CNNM2: variants seen among roughly 807,000 people sequenced by gnomAD.
CNNM2 encodes metal transporter CNNM2.
Under a neutral mutation model 66.9 loss-of-function variants are expected in CNNM2, and 12 were observed. That is an observed-to-expected ratio of 0.18 (90% CI 0.11 to 0.29). The LOEUF (loss-of-function observed/expected upper bound fraction) is 0.29, where lower values mean the gene tolerates loss of function less well. Among genes scored for constraint, CNNM2 ranks in the 10% least tolerant of loss-of-function variants. The pLI, the probability that CNNM2 is intolerant of heterozygous loss-of-function variation, is 1.00. For missense variants in CNNM2, 705 were observed against 1,167.7 expected (o/e 0.60, Z 5.77); for synonymous variants, 557 against 501.8 (o/e 1.11, Z -1.47).
intron 1 of CNNM2, among the ~76,000 whole-genome samples, chr10:103,030,180 A>G (rs2064796973): frequency 6.6e-6 from 1 of 152,196 alleles, no homozygotes; most frequent in Non-Finnish European, 1.5e-5. Context: ...ATGTGGCTAG[A>G]GAAGGATCCC....
intron 1 of CNNM2, among the ~76,000 whole-genome samples, chr10:103,041,796 C>T (rs2065044831): frequency 6.6e-6 from 1 of 152,184 alleles, no homozygotes. Flanking sequence ...CCCCCCTCCC[C>T]TTCCTGCTGG....
At position 103,070,220 on chromosome 10, in the gene CNNM2, G is replaced by A. The variant is rs146036022; in HGVS notation, c.2167+1498G>A. Among the ~76,000 whole-genome samples the A allele has an allele frequency of 8.1e-4, 124 of 152,256 alleles. 1 individual carries two copies. The highest frequency in any genetic ancestry group is 2.7e-3 in the African/African-American group (113 of 41,534). On this transcript the variant is annotated intron_variant, in intron 5 of 7. Coordinates refer to ENST00000369878, the MANE Select transcript of CNNM2 (RefSeq NM_017649.5). ...TGTTGTAAACTTGAAGGTGACCTTC[G>A]TTTTCACTGCTTAGTGAGAGAGACA...
chr10:103,018,707 T>G (rs2064505407), intron 1 of CNNM2, among the ~76,000 whole-genome samples: 1 of 139,392 alleles, frequency 7.2e-6, no homozygotes, highest in African/African-American at 2.5e-5. Context: ...TTTTTTTTTT[T>G]GAGATGGAGT....
chr10:102,937,571 G>C (rs1171132588), intron 1 of CNNM2, among the ~76,000 whole-genome samples: 1 of 152,098 alleles, frequency 6.6e-6, no homozygotes, highest in Non-Finnish European at 1.5e-5. Flanking sequence ...GGAGTGTTCT[G>C]AACCACCTGT....
intron 1 of CNNM2, among the ~76,000 whole-genome samples, chr10:102,936,977 T>A (rs925160525): frequency 1.3e-5 from 2 of 152,248 alleles, no homozygotes; most frequent in African/African-American, 4.8e-5. Context: ...ATAGTGCAGC[T>A]GTGCTGTCAT....
rs561299069 is a variant in CNNM2 at position 103,051,557 on chromosome 10, A to G, written c.1765+1707A>G. Among the ~76,000 whole-genome samples the G allele has an allele frequency of 4.0e-5, 6 of 151,526 alleles. No individual in the cohort carries two copies. In the East Asian group the frequency reaches 7.9e-4, roughly 20 times the overall value. On this transcript the variant is annotated intron_variant, in intron 2 of 7. Coordinates refer to ENST00000369878, the MANE Select transcript of CNNM2 (RefSeq NM_017649.5). ...GGAGTTAGAGACCAGCCTGACCAAC[A>G]TGGCGAAACACCATCTCTACAAAAA...
intron 1 of CNNM2, among the ~76,000 whole-genome samples, chr10:103,008,995 G>A (rs1010732132): frequency 3.3e-5 from 5 of 151,862 alleles, no homozygotes; most frequent in African/African-American, 1.2e-4. Context: ...TACAGCTAAT[G>A]GCCAGACACG....
intron 1 of CNNM2, among the ~76,000 whole-genome samples, chr10:103,048,496 G>A (rs1035420591): frequency 1.3e-5 from 2 of 152,142 alleles, no homozygotes; most frequent in Non-Finnish European, 2.9e-5. Context: ...GATTACAGGC[G>A]TGAGCCACCG....
At chr10:103,062,977 C>A (rs750746432) in intron 4 of CNNM2, among the ~76,000 whole-genome samples, 3 of 152,158 alleles carry the variant, frequency 2.0e-5, no homozygotes, top group Non-Finnish European at 4.4e-5. Context: ...TGAGATGCTG[C>A]GTTACCAGCA....
chr10:102,938,960 AAAAT>A, intron 1 of CNNM2, among the ~76,000 whole-genome samples: 1 of 152,264 alleles, frequency 6.6e-6, no homozygotes, highest in South Asian at 2.1e-4. Flanking sequence ...TATGGAGACT[AAAAT>A]AAACAAGCAG....
At chr10:103,065,069 C>G (rs2065453674) in intron 4 of CNNM2, among the ~76,000 whole-genome samples, 1 of 152,020 alleles carries the variant, frequency 6.6e-6, no homozygotes, top group Non-Finnish European at 1.5e-5. Context: ...TGCCTGGGAT[C>G]CTGTCTGGAA....
chr10:102,987,416 G>T (rs542326252), intron 1 of CNNM2, among the ~76,000 whole-genome samples: 2 of 152,172 alleles, frequency 1.3e-5, no homozygotes, highest in South Asian at 4.1e-4. Flanking sequence ...CGCCTCCCAG[G>T]TTCACGCCAT....
intron 1 of CNNM2, among the ~76,000 whole-genome samples, chr10:102,986,778 T>TG (rs1301202830): frequency 1.4e-4 from 3 of 21,852 alleles, no homozygotes; most frequent in African/African-American, 5.8e-4. Flanking sequence ...AGACTCAGTC[T>TG]CAAAAAAAAA....
intron 1 of CNNM2, among the ~76,000 whole-genome samples, chr10:103,024,758 G>A (rs971885623): frequency 5.3e-5 from 8 of 151,926 alleles, no homozygotes; most frequent in Non-Finnish European, 7.4e-5. Context: ...GATTACAGGC[G>A]TGAGCCACCG....
At position 103,059,550 on chromosome 10, in the gene CNNM2, T is replaced by A. The variant is rs376135506; in HGVS notation, c.2073+2586T>A. Among the ~76,000 whole-genome samples, 5 of 152,236 alleles carry A rather than the reference T, an allele frequency of 3.3e-5. No individual in the cohort carries two copies. The South Asian group carries it at 1.0e-3, about 32-fold the overall frequency. On this transcript the variant is annotated intron_variant, in intron 4 of 7. Transcript: ENST00000369878. ...ACATATGCATAAAAAAGCCAAAACTTCAAGTTTTATCTGTAAAAGTAGATT... is the reference window on the plus strand; with the variant it reads ...ACATATGCATAAAAAAGCCAAAACTACAAGTTTTATCTGTAAAAGTAGATT...
chr10:103,074,561 G>T (rs1282376786), intron 6 of CNNM2, among the ~76,000 whole-genome samples: 3 of 151,846 alleles, frequency 2.0e-5, no homozygotes, highest in Admixed American at 6.5e-5. Context: ...GGCCAGGCAC[G>T]GTGGCTCACG....
chr10:103,063,917 C>T lies in CNNM2; in HGVS notation c.2074-4712C>T, dbSNP rs72843968. On this transcript the variant is annotated intron_variant, in intron 4 of 7. Coordinates refer to ENST00000369878, the MANE Select transcript of CNNM2 (RefSeq NM_017649.5). ...ACCAGGTAAGCCATCTCCTCCTGTG[C>T]CCTAATTTTTGTATACTGGTAGGTT... Among the ~76,000 whole-genome samples the T allele has an allele frequency of 0.046, 7,067 of 152,282 alleles. 167 individuals carry two copies. The highest frequency in any genetic ancestry group is 0.052 in the Non-Finnish European group (3,562 of 68,020).
chr10:103,053,063 C>A (rs914572903), intron 2 of CNNM2, among the ~76,000 whole-genome samples: 1 of 152,128 alleles, frequency 6.6e-6, no homozygotes, highest in Non-Finnish European at 1.5e-5. Flanking sequence ...TCTTTAAGCT[C>A]GTTTTTTCTT....
intron 1 of CNNM2, among the ~76,000 whole-genome samples, chr10:102,926,882 A>AT (rs1295985208): frequency 1.3e-5 from 2 of 151,310 alleles, no homozygotes; most frequent in African/African-American, 4.9e-5. Context: ...TGCCCGGCTA[A>AT]TTTTTTTTGT....
Sources: gnomAD v4.1 joint callset for allele counts (sites outside exome capture counted in the v4.1 genomes callset) on GRCh38, gnomAD v4.1.1 for gene constraint, MANE v1.5 for transcripts, NCBI Gene and HGNC (gene_info 2026-07-23, HGNC 2026-07-21) for gene names.